Variants in CCDC148 observed in about 807,000 individuals in gnomAD.
CCDC148 encodes coiled-coil domain containing 148, also known as coiled-coil domain-containing protein 148.
CCDC148 carries 89 observed loss-of-function variants against 85.7 expected under a neutral mutation model. The ratio of observed to expected loss-of-function variants is 1.04; its 90% CI spans 0.87 to 1.24. The LOEUF (loss-of-function observed/expected upper bound fraction) is 1.24, where lower values mean the gene tolerates loss of function less well. Ranked by LOEUF, CCDC148 falls within the 50% of genes most tolerant of loss-of-function variation. The pLI is 0.00. For missense variants in CCDC148, 692 were observed against 671.7 expected, an observed-to-expected ratio of 1.03 and a Z score of -0.33; for synonymous variants, 230 against 213.9, an observed-to-expected ratio of 1.08 and a Z score of -0.66.
At chr2:158,179,085 C>A in intron 11 of CCDC148, 89 bp from the exon 12 acceptor site, 1 of 818,040 alleles carries the variant, frequency 1.2e-6, no homozygotes, top group South Asian at 1.8e-5. Flanking sequence ...GAACACATCT[C>A]AGAGGTAACA....
chr2:158,295,463 C>T (rs533357154), intron 9 of CCDC148, among the ~76,000 whole-genome samples: 28 of 151,834 alleles, frequency 1.8e-4, no homozygotes, highest in East Asian at 7.7e-4. Context: ...AACACTGACG[C>T]GAAAATCCTC....
intron 9 of CCDC148, among the ~76,000 whole-genome samples, chr2:158,277,018 AGAAGTT>A (rs1559036195): frequency 6.6e-6 from 1 of 152,262 alleles, no homozygotes; most frequent in Admixed American, 6.5e-5. Context: ...TGCAAATCAC[AGAAGTT>A]TAGAGCTGGA....
intron 11 of CCDC148, among the ~76,000 whole-genome samples, chr2:158,183,985 G>A (rs747247349): frequency 1.3e-5 from 2 of 152,094 alleles, no homozygotes; most frequent in Non-Finnish European, 2.9e-5. Context: ...GTGCCAACAC[G>A]TTTCAAGTGG....
chr2:158,276,073 A>T (rs910933778), intron 9 of CCDC148, among the ~76,000 whole-genome samples: 6 of 152,190 alleles, frequency 3.9e-5, no homozygotes, highest in African/African-American at 1.4e-4. Flanking sequence ...AGTTATTTAT[A>T]TGACTTGGAG....
At chr2:158,352,555 T>G (rs1355661537) in intron 2 of CCDC148, among the ~76,000 whole-genome samples, 5 of 152,038 alleles carry the variant, frequency 3.3e-5, no homozygotes, top group Non-Finnish European at 5.9e-5. Context: ...GAGCAAAGCC[T>G]CCAAGAAATA....
At chr2:158,263,082 A>T (rs1370917099) in intron 9 of CCDC148, among the ~76,000 whole-genome samples, 1 of 152,022 alleles carries the variant, frequency 6.6e-6, no homozygotes, top group Non-Finnish European at 1.5e-5. Flanking sequence ...CTAGTCTTTT[A>T]TCAAGGAGGC....
intron 1 of CCDC148, among the ~76,000 whole-genome samples, chr2:158,444,386 C>T (rs1381863481): frequency 6.6e-6 from 1 of 151,736 alleles, no homozygotes; most frequent in African/African-American, 2.4e-5. Context: ...TTAGAAAGCT[C>T]ATAATTGAAA....
intron 1 of CCDC148, among the ~76,000 whole-genome samples, chr2:158,363,904 T>C (rs1339340925): frequency 6.6e-6 from 1 of 152,174 alleles, no homozygotes; most frequent in Non-Finnish European, 1.5e-5. Flanking sequence ...TGAATGTATA[T>C]TTAGAAAACC....
intron 9 of CCDC148, among the ~76,000 whole-genome samples, chr2:158,303,969 A>C (rs1277572210): frequency 2.0e-5 from 3 of 152,152 alleles, no homozygotes; most frequent in African/African-American, 7.2e-5. Context: ...AGTATACGGT[A>C]CAGCATGATG....
intron 3 of CCDC148, among the ~76,000 whole-genome samples, 195 bp downstream of exon 3, chr2:158,345,020 G>A (rs1682922292): frequency 6.6e-6 from 1 of 152,164 alleles, no homozygotes; most frequent in South Asian, 2.1e-4. Context: ...GGAAGCAAAA[G>A]CCATATTAAT....
At chr2:158,376,439 G>A (rs1684653567) in intron 1 of CCDC148, among the ~76,000 whole-genome samples, 1 of 151,740 alleles carries the variant, frequency 6.6e-6, no homozygotes, top group Non-Finnish European at 1.5e-5. Context: ...TTACACAAAG[G>A]GTATTTTTAA....
At chr2:158,204,043 A>G (rs1205567747) in intron 11 of CCDC148, among the ~76,000 whole-genome samples, 1 of 152,196 alleles carries the variant, frequency 6.6e-6, no homozygotes, top group African/African-American at 2.4e-5. Context: ...ATCAGGCCCT[A>G]CCATTTGTCT....
intron 1 of CCDC148, among the ~76,000 whole-genome samples, chr2:158,390,530 A>C (rs1340466321): frequency 6.6e-6 from 1 of 152,154 alleles, no homozygotes; most frequent in Non-Finnish European, 1.5e-5. Flanking sequence ...ACTCTTATAA[A>C]CAAAATTCCT....
chr2:158,360,353 C>CT (rs1209410578), intron 1 of CCDC148, among the ~76,000 whole-genome samples: 1 of 152,184 alleles, frequency 6.6e-6, no homozygotes, highest in Non-Finnish European at 1.5e-5. Flanking sequence ...AACTGGGTCA[C>CT]TGACCCCCAT....
intron 10 of CCDC148, among the ~76,000 whole-genome samples, chr2:158,229,297 G>A (rs1027397162): frequency 6.6e-6 from 1 of 152,150 alleles, no homozygotes; most frequent in African/African-American, 2.4e-5. Flanking sequence ...TATTTCCCTA[G>A]TGCAGCTCTC....
chr2:158,334,761 C>T (rs1056175962), intron 7 of CCDC148, among the ~76,000 whole-genome samples: 1 of 151,934 alleles, frequency 6.6e-6, no homozygotes, highest in African/African-American at 2.4e-5. Context: ...ATCTGCTACA[C>T]ACTCCATAGT....
chr2:158,374,666 A>AGT (rs1684583750), intron 1 of CCDC148, among the ~76,000 whole-genome samples: 1 of 151,114 alleles, frequency 6.6e-6, no homozygotes, highest in African/African-American at 2.5e-5. Context: ...TTTATATATG[A>AGT]GTGTATATAT....
chr2:158,329,215 T>G (rs1009550530), intron 7 of CCDC148, among the ~76,000 whole-genome samples: 1 of 152,218 alleles, frequency 6.6e-6, no homozygotes, highest in Non-Finnish European at 1.5e-5. Context: ...AGGGATCCAG[T>G]TTCAGCTTTC....
chr2:158,319,107 C>T (rs1362779015), intron 7 of CCDC148, among the ~76,000 whole-genome samples: 4 of 152,112 alleles, frequency 2.6e-5, no homozygotes, highest in African/African-American at 7.2e-5. Flanking sequence ...GCTCAACCAC[C>T]CCATATGCTA....
Sources: gnomAD v4.1 joint callset for allele counts (sites outside exome capture counted in the v4.1 genomes callset) on GRCh38, gnomAD v4.1.1 for gene constraint, MANE v1.5 for transcripts, NCBI Gene and HGNC (gene_info 2026-07-23, HGNC 2026-07-21) for gene names.